The following LIN28B variants were observed in gnomAD, a reference collection of about 807,000 sequenced individuals.
The protein encoded by LIN28B is protein lin-28 homolog B.
Under a neutral mutation model 21.9 loss-of-function variants are expected in LIN28B, and 5 were observed. The ratio of observed to expected loss-of-function variants is 0.23; its 90% confidence interval spans 0.12 to 0.48. The LOEUF (loss-of-function observed/expected upper bound fraction) is 0.48. LIN28B is among the 20% of genes least tolerant of loss of function. The probability of loss-of-function intolerance (pLI) is 0.98; values close to 1 mark genes in which losing one functional copy is unlikely to be tolerated. For missense variants in LIN28B, 245 were observed against 310.5 expected (o/e 0.79, Z 1.58); for synonymous variants, 109 against 111.3 (o/e 0.98, Z 0.13).
At chr6:104,969,940 A>G (rs2114588154) in intron 2 of LIN28B, among the ~76,000 whole-genome samples, 1 of 152,294 alleles carries the variant, frequency 6.6e-6, no homozygotes, top group South Asian at 2.1e-4. Flanking sequence ...TTATCTTAGC[A>G]TCCTTTAAAA....
At chr6:104,966,870 T>C (rs2114583335) in intron 2 of LIN28B, among the ~76,000 whole-genome samples, 2 of 152,130 alleles carry the variant, frequency 1.3e-5, no homozygotes, top group Non-Finnish European at 2.9e-5. Context: ...ATCCGCCCAC[T>C]TCGGCCTCCC....
intron 3 of LIN28B, among the ~76,000 whole-genome samples, chr6:105,026,783 A>G (rs1771295466): frequency 6.6e-6 from 1 of 152,162 alleles, no homozygotes; most frequent in Admixed American, 6.6e-5. Context: ...TTTTACACCC[A>G]GAATTTGCCA....
intron 1 of LIN28B, among the ~76,000 whole-genome samples, chr6:104,957,677 C>G (rs1240151362): frequency 1.3e-5 from 2 of 152,114 alleles, no homozygotes; most frequent in Non-Finnish European, 2.9e-5. Flanking sequence ...TAACTAGTAG[C>G]TCTAAACCAT....
At chr6:105,046,587 G>A (rs1023343656) in intron 3 of LIN28B, among the ~76,000 whole-genome samples, 1 of 152,032 alleles carries the variant, frequency 6.6e-6, no homozygotes, top group Non-Finnish European at 1.5e-5. Context: ...CTGAGGAATC[G>A]CCACACTGAC....
chr6:104,978,939 AGAGT>A, intron 2 of LIN28B, among the ~76,000 whole-genome samples: 1 of 152,280 alleles, frequency 6.6e-6, no homozygotes, highest in Non-Finnish European at 1.5e-5. Context: ...TAAGTCTAGG[AGAGT>A]GAGACATAAG....
rs1778028609 is a variant in LIN28B at position 104,937,877 on chromosome 6, T to A, written c.18+761T>A. ...TTGTAGGCATTGGAGATATTAAGAG[T>A]AAGAGCCTGTTCTCTTTGGGAATAA... On this transcript the variant is annotated intron_variant, in intron 2 of 5. Transcript: ENST00000635857. Among the ~76,000 whole-genome samples, 2 of 151,290 alleles carry A rather than the reference T, an allele frequency of 1.3e-5. 1 individual carries two copies. The highest frequency in any genetic ancestry group is 2.9e-5 in the Non-Finnish European group (2 of 67,860).
intron 3 of LIN28B, among the ~76,000 whole-genome samples, chr6:105,041,257 C>T (rs1771626614): frequency 6.6e-6 from 1 of 152,038 alleles, no homozygotes; most frequent in Non-Finnish European, 1.5e-5. Flanking sequence ...TTTTCATTTT[C>T]TTTTTTTCTC....
chr6:104,966,954 C>CG (rs1215596477), intron 2 of LIN28B, among the ~76,000 whole-genome samples: 1 of 151,898 alleles, frequency 6.6e-6, no homozygotes, highest in African/African-American at 2.4e-5. Context: ...TTTGTAGAGA[C>CG]GGGGTCTCCC....
intron 2 of LIN28B, among the ~76,000 whole-genome samples, chr6:104,945,745 AAACT>A (rs879877030): frequency 9.9e-5 from 15 of 152,130 alleles, no homozygotes; most frequent in Non-Finnish European, 2.1e-4. Context: ...CACATTAGCA[AAACT>A]AACTGTGCTG....
intron 2 of LIN28B, among the ~76,000 whole-genome samples, chr6:104,973,473 A>G (rs1261056754): frequency 2.0e-5 from 3 of 152,096 alleles, no homozygotes; most frequent in African/African-American, 7.2e-5. Context: ...TGCCACCAGG[A>G]ATTATTACAG....
chr6:105,036,659 A>G (rs1771528225), intron 3 of LIN28B, among the ~76,000 whole-genome samples: 1 of 151,980 alleles, frequency 6.6e-6, no homozygotes, highest in Non-Finnish European at 1.5e-5. Flanking sequence ...TGCCATTGGA[A>G]TGGTCAGAAG....
chr6:104,977,716 C>T (rs550181724), intron 2 of LIN28B, among the ~76,000 whole-genome samples: 40 of 152,130 alleles, frequency 2.6e-4, no homozygotes, highest in Non-Finnish European at 4.4e-4. Flanking sequence ...TACAGGCGTG[C>T]GCCACCATGC....
At chr6:104,951,837 C>A (rs1267257540) in intron 3 of LIN28B, among the ~76,000 whole-genome samples, 1 of 152,198 alleles carries the variant, frequency 6.6e-6, no homozygotes, top group Non-Finnish European at 1.5e-5. Context: ...CCCAAGGCCA[C>A]AGATTGGTAA....
At chr6:104,951,385 A>G (rs1309846690) in intron 3 of LIN28B, among the ~76,000 whole-genome samples, 1 of 152,156 alleles carries the variant, frequency 6.6e-6, no homozygotes, top group Non-Finnish European at 1.5e-5. Context: ...TAGGATTTCC[A>G]TTTGAGAAAC....
intron 3 of LIN28B, among the ~76,000 whole-genome samples, chr6:105,048,344 C>A (rs1350968005): frequency 6.6e-6 from 1 of 152,122 alleles, no homozygotes; most frequent in African/African-American, 2.4e-5. Context: ...TATGTTGAAC[C>A]AGCCTTGCAT....
chr6:105,047,768 C>G (rs1359238522), intron 3 of LIN28B, among the ~76,000 whole-genome samples: 1 of 152,050 alleles, frequency 6.6e-6, no homozygotes, highest in Non-Finnish European at 1.5e-5. Flanking sequence ...GTATTTTATT[C>G]TCTTTGAAGC....
chr6:105,024,880 G>A (rs979462568), intron 2 of LIN28B, among the ~76,000 whole-genome samples: 2 of 152,022 alleles, frequency 1.3e-5, no homozygotes, highest in Non-Finnish European at 2.9e-5. Flanking sequence ...AAGTATGTTC[G>A]TCATCTGTAC....
At chr6:104,967,051 A>C (rs1166405785) in intron 2 of LIN28B, among the ~76,000 whole-genome samples, 1 of 152,000 alleles carries the variant, frequency 6.6e-6, no homozygotes, top group Admixed American at 6.6e-5. Context: ...TACAGGCGTG[A>C]ATCACCATGC....
intron 2 of LIN28B, among the ~76,000 whole-genome samples, chr6:104,979,276 C>A (rs1770169238): frequency 6.6e-6 from 1 of 151,184 alleles, no homozygotes; most frequent in Non-Finnish European, 1.5e-5. Flanking sequence ...GTGGTTCAGT[C>A]TTGGCTCACT....
Sources: allele counts gnomAD v4.1 joint callset (sites outside exome capture counted in the v4.1 genomes callset), GRCh38; gene constraint gnomAD v4.1.1; transcripts MANE v1.5; gene names NCBI Gene and HGNC (gene_info 2026-07-23, HGNC 2026-07-21).